PREX2: variants seen among roughly 807,000 people sequenced by gnomAD.
PREX2 encodes the protein phosphatidylinositol-3,4,5-trisphosphate dependent Rac exchange factor 2.
Under a neutral mutation model 203.2 loss-of-function variants are expected in PREX2, and 107 were observed. That is an observed-to-expected ratio of 0.53 (90% CI 0.45 to 0.62). PREX2 has a LOEUF of 0.62. Ranked by LOEUF, PREX2 falls within the 20% of genes least tolerant of loss-of-function variation. PREX2 has a pLI of 0.00. For synonymous variants in PREX2, 672 were observed against 663.6 expected, an observed-to-expected ratio of 1.01 and a Z score of -0.19; for missense variants, 1,777 against 1,955.9, an observed-to-expected ratio of 0.91 and a Z score of 1.72.
chr8:68,018,649 A>G lies in PREX2; in HGVS notation c.213+732A>G, dbSNP rs540558952. On this transcript the variant is annotated intron_variant, in intron 2 of 39. Coordinates refer to ENST00000288368, the MANE Select transcript of PREX2 (RefSeq NM_024870.4). ...ACCAAATATTTCAATGGTTCACTCCACATAATATCCTTAATTCAGAAACAG... is the reference window on the plus strand; with the variant it reads ...ACCAAATATTTCAATGGTTCACTCCGCATAATATCCTTAATTCAGAAACAG... 2.5e-4 allele frequency among the ~76,000 whole-genome samples: 38 copies of G among 152,264 alleles called. No individual in the cohort carries two copies. The East Asian group carries it at 6.9e-3, about 28-fold the overall frequency.
intron 26 of PREX2, 136 bp downstream of exon 26, chr8:68,116,068 G>A (rs1810652021): frequency 7.2e-6 from 5 of 691,090 alleles, no homozygotes; most frequent in South Asian, 2.0e-5. Flanking sequence ...TGTTACTACC[G>A]ACCTCAGACA....
At chr8:68,196,810 C>T (rs1438260233) in intron 37 of PREX2, among the ~76,000 whole-genome samples, 1 of 151,996 alleles carries the variant, frequency 6.6e-6, no homozygotes, top group African/African-American at 2.4e-5. Flanking sequence ...TTGTAAGTTT[C>T]CTGAGGCCTC....
chr8:68,089,384 C>T (rs1206754373), intron 19 of PREX2, among the ~76,000 whole-genome samples: 2 of 152,176 alleles, frequency 1.3e-5, no homozygotes, highest in Non-Finnish European at 2.9e-5. Flanking sequence ...CAGACAAATT[C>T]AGCCTTTCAG....
In PREX2 at chr8:68,231,499, T is replaced by C; in HGVS notation, c.*121T>C. The C allele has an allele frequency of 1.4e-6, 1 of 691,766 alleles. No individual in the cohort carries two copies. Among genetic ancestry groups the C allele is most frequent in the South Asian group, 2.7e-5 (1 of 36,416 alleles). 42.9% of individuals were successfully genotyped at this position (691,766 alleles called of 1,614,324 possible). On this transcript the variant is annotated 3_prime_UTR_variant, in exon 40 of 40. Coordinates refer to ENST00000288368, the MANE Select transcript of PREX2 (RefSeq NM_024870.4). The stretch of plus-strand genomic sequence containing the variant: ...ATGCTTTTTTTTTTTTTTTTTTCTG[T>C]AAATCTTTCTTCCCATTGCAAACAA...
intron 1 of PREX2, among the ~76,000 whole-genome samples, chr8:68,012,521 G>A (rs1807294963): frequency 6.6e-6 from 1 of 152,180 alleles, no homozygotes; most frequent in South Asian, 2.1e-4. Context: ...CATGCTGTTT[G>A]GGAATCACTG....
intron 37 of PREX2, 63 bp from the exon 38 acceptor site, chr8:68,217,553 A>C: frequency 2.6e-6 from 3 of 1,173,140 alleles, no homozygotes; most frequent in Non-Finnish European, 3.8e-6. Context: ...TTAGTAATCC[A>C]CATCATCTCA....
intron 1 of PREX2, among the ~76,000 whole-genome samples, chr8:67,963,597 A>G (rs1001077144): frequency 6.6e-6 from 1 of 151,998 alleles, no homozygotes; most frequent in African/African-American, 2.4e-5. Context: ...TAATTTCCCC[A>G]GATTACGCTA....
chr8:68,038,785 T>C (rs1301026422), intron 7 of PREX2, among the ~76,000 whole-genome samples: 2 of 152,156 alleles, frequency 1.3e-5, no homozygotes, highest in African/African-American at 4.8e-5. Flanking sequence ...AGCTCTTGCA[T>C]CATTTTCTTT....
At chr8:68,208,327 T>C (rs1169762410) in intron 37 of PREX2, among the ~76,000 whole-genome samples, 4 of 152,184 alleles carry the variant, frequency 2.6e-5, no homozygotes, top group African/African-American at 4.8e-5. Context: ...ATAACATTTC[T>C]TACTCTAGAC....
At chr8:67,999,009 C>T (rs948662655) in intron 1 of PREX2, among the ~76,000 whole-genome samples, 1 of 152,122 alleles carries the variant, frequency 6.6e-6, no homozygotes, top group South Asian at 2.1e-4. Flanking sequence ...GTAGCTTGTT[C>T]TGCTTGTTAG....
intron 1 of PREX2, among the ~76,000 whole-genome samples, chr8:67,971,182 G>A (rs918029405): frequency 2.0e-5 from 3 of 152,142 alleles, no homozygotes; most frequent in African/African-American, 4.8e-5. Context: ...TTTTGAGCAA[G>A]GAAGTCAAAA....
In PREX2 at chr8:68,234,379, G is replaced by A. The variant is rs1403362343; in HGVS notation, c.*3001G>A. ...ACTCCCACCGCCCCCCAACCTAAAAGGGAAGGTCATGCATAGAAAGTTTGG... is the reference window on the plus strand; with the variant it reads ...ACTCCCACCGCCCCCCAACCTAAAAAGGAAGGTCATGCATAGAAAGTTTGG... On this transcript the variant is annotated 3_prime_UTR_variant, in exon 40 of 40. Coordinates refer to ENST00000288368, the MANE Select transcript of PREX2 (RefSeq NM_024870.4). The A allele has an allele frequency of 6.6e-6, 1 of 152,076 alleles. No individual in the cohort carries two copies. Among genetic ancestry groups the A allele is most frequent in the East Asian group, 1.9e-4 (1 of 5,186 alleles). The allele number at this position is 152,076 out of a possible 1,614,324, so 9.4% of individuals were successfully genotyped here.
At chr8:68,090,558 T>C (rs1411248503) in intron 19 of PREX2, 21 bp from the exon 20 acceptor site, 1 of 1,585,084 alleles carries the variant, frequency 6.3e-7, no homozygotes, top group African/African-American at 1.3e-5. Context: ...TTTTTGGTTA[T>C]TTTCTCATTT....
chr8:68,075,515 C>T (rs1809322277), intron 14 of PREX2, among the ~76,000 whole-genome samples: 3 of 152,196 alleles, frequency 2.0e-5, no homozygotes, highest in Admixed American at 2.0e-4. Context: ...GGCTCAGGGT[C>T]ACCTTCTGTG....
chr8:67,976,442 GAGAGACAGAGAGAGAGAGAGAGAC>G (rs1806089349), intron 1 of PREX2, among the ~76,000 whole-genome samples: 1 of 124,924 alleles, frequency 8.0e-6, no homozygotes, highest in Non-Finnish European at 1.7e-5. Context: ...AGAGATGGGA[GAGAGACAGAGAGAGAGAGAGAGAC>G]AGAGACAGAG....
At position 67,958,239 on chromosome 8, in the gene PREX2, T is replaced by G. The variant is rs145305147; in HGVS notation, c.141+5704T>G. The stretch of plus-strand genomic sequence containing the variant: ...TATGGGAGCTGCGACACTAGAGCCA[T>G]AAGCAAAGTCACGTGGAGGCAGTAG... On this transcript the variant is annotated intron_variant, in intron 1 of 39. Coordinates refer to ENST00000288368, the MANE Select transcript of PREX2 (RefSeq NM_024870.4). Among the ~76,000 whole-genome samples the G allele has an allele frequency of 2.1e-4, 32 of 152,272 alleles. No individual in the cohort carries two copies. In the East Asian group the frequency reaches 4.8e-3, roughly 23 times the overall value.
chr8:68,151,404 G>A (rs1811431351), intron 34 of PREX2, among the ~76,000 whole-genome samples: 1 of 152,066 alleles, frequency 6.6e-6, no homozygotes. Flanking sequence ...GCAACAGAGT[G>A]GGACCCTATC....
chr8:68,203,973 TAAGAA>T (rs1298511408), intron 37 of PREX2, among the ~76,000 whole-genome samples: 6 of 152,118 alleles, frequency 3.9e-5, no homozygotes, highest in African/African-American at 1.4e-4. Context: ...AGAGAACGAA[TAAGAA>T]TGTTAAGGAA....
At chr8:68,077,352 C>T (rs1049359702) in intron 14 of PREX2, 45 bp from the exon 15 acceptor site, 4 of 1,379,726 alleles carry the variant, frequency 2.9e-6, no homozygotes, top group Non-Finnish European at 4.1e-6. Flanking sequence ...TGCCACAAAG[C>T]CTTTAGTTGC....
Sources: gnomAD v4.1 joint callset for allele counts (sites outside exome capture counted in the v4.1 genomes callset) on GRCh38, gnomAD v4.1.1 for gene constraint, MANE v1.5 for transcripts, NCBI Gene and HGNC (gene_info 2026-07-23, HGNC 2026-07-21) for gene names.